Variants in C9orf153 observed in about 807,000 individuals in gnomAD.
C9orf153 encodes chromosome 9 open reading frame 153, also known as uncharacterized protein C9orf153.
C9orf153 carries 10 observed loss-of-function variants against 9.0 expected under a neutral mutation model. The observed-to-expected ratio is 1.11, with a 90% CI of 0.69 to 1.89. The LOEUF (loss-of-function observed/expected upper bound fraction) is 1.89. Among genes scored for constraint, C9orf153 ranks in the 40% most tolerant of loss-of-function variants. The pLI, the probability that C9orf153 is intolerant of heterozygous loss-of-function variation, is 0.00. For synonymous variants in C9orf153, 35 were observed against 37.3 expected (o/e 0.94, Z 0.23); for missense variants, 108 against 111.0 (o/e 0.97, Z 0.12).
chr9:86,221,718 T>A lies in C9orf153; in HGVS notation c.258A>T (p.Glu86Asp). 6.5e-7 allele frequency: 1 copy of A among 1,547,528 alleles called. No individual in the cohort carries two copies. Among genetic ancestry groups the A allele is most frequent in the Non-Finnish European group, 8.7e-7 (1 of 1,144,252 alleles). ...ATATCTCCATTCCAGATCCCTTAGATTCATGAATTGTTTTCCTGAAAAGAA... is the reference window on the plus strand; with the variant it reads ...ATATCTCCATTCCAGATCCCTTAGAATCATGAATTGTTTTCCTGAAAAGAA... ...LQPVIRKTIH[E>D]SKGSGMEIF The change falls in exon 4 of 4, where the codon GAA becomes GAT. Residue 86 changes from glutamate (E) to aspartate (D), a missense_variant. Transcript: ENST00000339137.
At chr9:86,255,374 C>T (rs978539814) in intron 1 of C9orf153, among the ~76,000 whole-genome samples, 5 of 152,180 alleles carry the variant, frequency 3.3e-5, no homozygotes, top group Non-Finnish European at 5.9e-5. Flanking sequence ...AGTTGTCTTT[C>T]GTGGGGAGAT....
intron 1 of C9orf153, among the ~76,000 whole-genome samples, chr9:86,239,607 C>A (rs1001447950): frequency 6.6e-6 from 1 of 152,174 alleles, no homozygotes; most frequent in Non-Finnish European, 1.5e-5. Flanking sequence ...ACCCTTACAG[C>A]CTGCCTGGGG....
chr9:86,259,031 G>GTTTT (rs11440861), intron 1 of C9orf153, among the ~76,000 whole-genome samples: 2 of 147,368 alleles, frequency 1.4e-5, no homozygotes. Flanking sequence ...ACAGAGCAGT[G>GTTTT]TTTTTTTTTT....
intron 3 of C9orf153, among the ~76,000 whole-genome samples, chr9:86,223,820 G>T (rs575481975): frequency 7.2e-5 from 11 of 152,264 alleles, no homozygotes; most frequent in African/African-American, 2.6e-4. Flanking sequence ...GAAAACAAAA[G>T]CTACACACAA....
intron 1 of C9orf153, among the ~76,000 whole-genome samples, chr9:86,249,248 G>A (rs1445412485): frequency 6.6e-6 from 1 of 152,210 alleles, no homozygotes; most frequent in African/African-American, 2.4e-5. Context: ...CTCCCTGGGA[G>A]TAAGACAGAG....
chr9:86,256,341 G>C (rs985819794), intron 1 of C9orf153, among the ~76,000 whole-genome samples: 4 of 152,202 alleles, frequency 2.6e-5, no homozygotes, highest in Admixed American at 6.5e-5. Context: ...TCGAGCCACT[G>C]ATTCAATCTA....
In C9orf153 at chr9:86,225,510, G is replaced by T. The variant is rs572906193; in HGVS notation, c.242+2345C>A. The stretch of plus-strand genomic sequence containing the variant: ...GTCTCACTCTGTTGCCCAGGCTGGA[G>T]TGTAGTGGCGCGATCTTGGCTCACC... On this transcript the variant is annotated intron_variant, in intron 3 of 3. Coordinates refer to ENST00000339137, the MANE Select transcript of C9orf153 (RefSeq NM_001276366.4). Among the ~76,000 whole-genome samples, 23 of 151,430 alleles carry T rather than the reference G, an allele frequency of 1.5e-4. No homozygotes were observed. In the South Asian group the frequency reaches 4.8e-3, roughly 32 times the overall value.
chr9:86,251,944 A>C (rs890914189), intron 1 of C9orf153, among the ~76,000 whole-genome samples: 12 of 61,476 alleles, frequency 2.0e-4, no homozygotes, highest in Non-Finnish European at 3.1e-4. Context: ...CACACACACG[A>C]GAGAGAGAGA....
intron 1 of C9orf153, among the ~76,000 whole-genome samples, chr9:86,238,720 G>T (rs1181831165): frequency 6.6e-6 from 1 of 152,044 alleles, no homozygotes; most frequent in Non-Finnish European, 1.5e-5. Flanking sequence ...AATGAGAGAA[G>T]TTAGTATAAC....
chr9:86,252,188 C>T (rs1411517421), intron 1 of C9orf153, among the ~76,000 whole-genome samples: 1 of 152,084 alleles, frequency 6.6e-6, no homozygotes, highest in Non-Finnish European at 1.5e-5. Flanking sequence ...GTGTGTGCCA[C>T]CACAACCAGC....
chr9:86,245,705 T>C (rs1824850197), intron 1 of C9orf153, among the ~76,000 whole-genome samples: 1 of 152,216 alleles, frequency 6.6e-6, no homozygotes, highest in Non-Finnish European at 1.5e-5. Context: ...ATTTTTAGTG[T>C]CACCTGGAAT....
intron 1 of C9orf153, among the ~76,000 whole-genome samples, chr9:86,248,418 G>A (rs774195543): frequency 3.9e-5 from 6 of 152,190 alleles, no homozygotes; most frequent in Non-Finnish European, 7.4e-5. Flanking sequence ...ACAGGCGTGA[G>A]CCACCGTGCC....
chr9:86,250,842 G>C (rs1156427725), intron 1 of C9orf153, among the ~76,000 whole-genome samples: 1 of 152,112 alleles, frequency 6.6e-6, no homozygotes, highest in Non-Finnish European at 1.5e-5. Context: ...CCTCAGAATG[G>C]TAGTTGAAAA....
intron 1 of C9orf153, among the ~76,000 whole-genome samples, chr9:86,236,940 A>G (rs1451176288): frequency 7.7e-6 from 1 of 130,054 alleles, no homozygotes; most frequent in African/African-American, 3.5e-5. Flanking sequence ...GTCTCTAAAT[A>G]AAAAAAAAAA....
intron 1 of C9orf153, among the ~76,000 whole-genome samples, chr9:86,235,465 A>G (rs1325704463): frequency 1.3e-5 from 2 of 152,110 alleles, no homozygotes; most frequent in African/African-American, 4.8e-5. Flanking sequence ...TGAAAAATCA[A>G]GAGAAAAAAG....
At chr9:86,244,178 T>C (rs1325397221) in intron 1 of C9orf153, among the ~76,000 whole-genome samples, 2 of 152,188 alleles carry the variant, frequency 1.3e-5, no homozygotes, top group African/African-American at 4.8e-5. Flanking sequence ...TTTAGATACA[T>C]TGAGTTAAAT....
rs1587792319 is a variant in C9orf153, at chr9:86,220,395, A to C, written c.*1293T>G. On this transcript the variant is annotated 3_prime_UTR_variant, in exon 4 of 4. Coordinates refer to ENST00000339137, the MANE Select transcript of C9orf153 (RefSeq NM_001276366.4). ...ACTTTATTAGTAGTTTTTTTTAAGC[A>C]AGGGATTATGGATAGTAAACATTTT... The C allele has an allele frequency of 6.6e-6, 1 of 152,146 alleles. No homozygotes were observed. Among genetic ancestry groups the C allele is most frequent in the African/African-American group, 2.4e-5 (1 of 41,422 alleles). The allele number at this position is 152,146 out of a possible 1,614,324, so 9.4% of individuals were successfully genotyped here.
chr9:86,242,237 G>A (rs542658852), intron 1 of C9orf153, among the ~76,000 whole-genome samples: 21 of 152,264 alleles, frequency 1.4e-4, no homozygotes, highest in Admixed American at 4.6e-4. Flanking sequence ...CAGCTTGCAA[G>A]AGAAACAGGA....
chr9:86,220,309 T>G lies in C9orf153; in HGVS notation c.*1379A>C, dbSNP rs1194006248. 2 of 152,230 alleles carry G rather than the reference T, an allele frequency of 1.3e-5. No individual in the cohort carries two copies. The highest frequency in any genetic ancestry group is 2.1e-4 in the South Asian group (1 of 4,834). The allele number at this position is 152,230 out of a possible 1,614,324, so 9.4% of individuals were successfully genotyped here. On this transcript the variant is annotated 3_prime_UTR_variant, in exon 4 of 4. Transcript: ENST00000339137. ...ATCTACACAATCATACACACATATA[T>G]TGTTAACAATTTGCTTGCCATTATT...
Sources: allele counts gnomAD v4.1 joint callset (sites outside exome capture counted in the v4.1 genomes callset), GRCh38; gene constraint gnomAD v4.1.1; transcripts MANE v1.5; gene names NCBI Gene and HGNC (gene_info 2026-07-23, HGNC 2026-07-21).